SLC9A7: variants seen among roughly 807,000 people sequenced by gnomAD.
The protein encoded by SLC9A7 is solute carrier family 9 member A7.
Under a neutral mutation model 52.6 loss-of-function variants are expected in SLC9A7, and 19 were observed. The observed-to-expected ratio is 0.36, with a 90% CI of 0.25 to 0.53. SLC9A7 has a LOEUF of 0.53. Ranked by LOEUF, SLC9A7 falls within the 20% of genes least tolerant of loss-of-function variation. The pLI, the probability that SLC9A7 is intolerant of heterozygous loss-of-function variation, is 0.91. For missense variants in SLC9A7, 455 were observed against 597.9 expected (o/e 0.76, Z 2.49); for synonymous variants, 226 against 252.1 (o/e 0.90, Z 0.98).
chrX:46,755,823 GAAA>G (rs10718607), intron 1 of SLC9A7, among the ~76,000 whole-genome samples: 7 of 73,885 alleles, frequency 9.5e-5, no homozygotes, highest in Admixed American at 1.6e-4. Flanking sequence ...CTCCGTCTTG[GAAA>G]AAAAAAAAAA....
intron 1 of SLC9A7, among the ~76,000 whole-genome samples, chrX:46,720,388 TCATTAC>T (rs1569523298): frequency 1.8e-5 from 2 of 110,596 alleles, no homozygotes; most frequent in Non-Finnish European, 3.8e-5. Context: ...CTCCTTATTA[TCATTAC>T]TCTGGTTCAA....
intron 1 of SLC9A7, among the ~76,000 whole-genome samples, chrX:46,703,748 C>T (rs1454657732): frequency 8.9e-6 from 1 of 111,990 alleles, no homozygotes; most frequent in Non-Finnish European, 1.9e-5. Context: ...AGCCACTCTA[C>T]ACACATCCTA....
At chrX:46,627,509 C>T (rs1001014813) in intron 14 of SLC9A7, among the ~76,000 whole-genome samples, 26 of 111,425 alleles carry the variant, frequency 2.3e-4, no homozygotes, top group Admixed American at 3.8e-4. Context: ...GCCTGAGTGT[C>T]TCCACTCTCT....
At chrX:46,745,844 T>TA (rs757931369) in intron 1 of SLC9A7, among the ~76,000 whole-genome samples, 1,035 of 86,896 alleles carry the variant, frequency 0.012, 8 homozygotes, top group African/African-American at 0.026. Flanking sequence ...CTGTCTCTAT[T>TA]AAAAAAAAAA....
At chrX:46,739,406 T>G (rs767953961) in intron 1 of SLC9A7, among the ~76,000 whole-genome samples, 39 of 111,245 alleles carry the variant, frequency 3.5e-4, no homozygotes, top group Non-Finnish European at 6.8e-4. Context: ...TTATGCCCTT[T>G]CTTGCTCTGC....
chrX:46,740,685 A>G, intron 1 of SLC9A7, among the ~76,000 whole-genome samples: 1 of 111,358 alleles, frequency 9.0e-6, no homozygotes, highest in Non-Finnish European at 1.9e-5. Flanking sequence ...TAAAACCTAC[A>G]GCTAGCTTTA....
intron 4 of SLC9A7, among the ~76,000 whole-genome samples, chrX:46,671,321 C>T (rs1944016247): frequency 9.0e-6 from 1 of 110,556 alleles, no homozygotes; most frequent in Non-Finnish European, 1.9e-5. Flanking sequence ...AGTGCAATGG[C>T]GCAATCTCGG....
At chrX:46,687,751 T>C (rs1421747789) in intron 1 of SLC9A7, among the ~76,000 whole-genome samples, 2 of 112,423 alleles carry the variant, frequency 1.8e-5, no homozygotes, top group Non-Finnish European at 3.8e-5. Flanking sequence ...TTTTAGAGTA[T>C]ACTATTCAAT....
chrX:46,719,986 T>C (rs1268168011), intron 1 of SLC9A7, among the ~76,000 whole-genome samples: 1 of 111,537 alleles, frequency 9.0e-6, no homozygotes, highest in Admixed American at 9.6e-5. Flanking sequence ...CTTAAGAACA[T>C]TCCTCTCTCA....
intron 1 of SLC9A7, among the ~76,000 whole-genome samples, chrX:46,690,227 ATCC>A (rs1357256201): frequency 3.6e-5 from 4 of 111,948 alleles, no homozygotes; most frequent in Non-Finnish European, 3.8e-5. Flanking sequence ...GTTGCTCCAC[ATCC>A]TCATCCACAT....
chrX:46,691,982 C>T (rs1007161604), intron 1 of SLC9A7, among the ~76,000 whole-genome samples: 1 of 111,366 alleles, frequency 9.0e-6, no homozygotes, highest in African/African-American at 3.3e-5. Context: ...TAGCAAAACA[C>T]ATAATGATAG....
At position 46,600,212 on chromosome X, in the gene SLC9A7, T is replaced by A. The variant is rs1441948020; in HGVS notation, c.*6740A>T. ...GCCCCTAAATGTCCATGCAGTTAAG[T>A]CATCCAGTAACACCTGAATTGTAGC... On this transcript the variant is annotated 3_prime_UTR_variant, in exon 17 of 17. Transcript: ENST00000616978. The A allele has an allele frequency of 8.9e-6, 1 of 112,275 alleles. No homozygotes were observed. The highest frequency in any genetic ancestry group is 9.5e-5 in the Admixed American group (1 of 10,558). The allele number at this position is 112,275 out of a possible 1,213,427, so 9.3% of individuals were successfully genotyped here.
chrX:46,641,529 T>C (rs902549469), intron 12 of SLC9A7, among the ~76,000 whole-genome samples: 12 of 111,935 alleles, frequency 1.1e-4, no homozygotes. Flanking sequence ...AGGGTAAACC[T>C]TTTTTCTTGC....
intron 1 of SLC9A7, among the ~76,000 whole-genome samples, chrX:46,709,461 T>C (rs1372613213): frequency 9.0e-6 from 1 of 111,429 alleles, no homozygotes; most frequent in Non-Finnish European, 1.9e-5. Flanking sequence ...GCTATCATAA[T>C]ACATAATACA....
At chrX:46,712,132 C>T (rs943386906) in intron 1 of SLC9A7, among the ~76,000 whole-genome samples, 1 of 111,826 alleles carries the variant, frequency 8.9e-6, no homozygotes, top group African/African-American at 3.3e-5. Flanking sequence ...AATTTTGCTG[C>T]ATCTCCCTTT....
Position 46,674,524 on chromosome X carries a change from AC to A in SLC9A7, c.604-1898del, listed in dbSNP as rs763586810. Among the ~76,000 whole-genome samples, 6 of 111,770 alleles carry A rather than the reference AC, an allele frequency of 5.4e-5. No individual in the cohort carries two copies. In the East Asian group the frequency reaches 1.7e-3, roughly 31 times the overall value. On this transcript the variant is annotated intron_variant, in intron 3 of 16. Transcript: ENST00000616978. The stretch of plus-strand genomic sequence containing the variant: ...TATTTGGACCATCATATACGAGAGA[AC>A]CCAAGGCTCAAAGGCATGATGTAAG...
chrX:46,609,109 T>C (rs73630232), intron 16 of SLC9A7, among the ~76,000 whole-genome samples: 2,985 of 111,466 alleles, frequency 0.027, 101 homozygotes, highest in African/African-American at 0.091. Context: ...TTCAGGGAAA[T>C]GGTCCTGGCA....
chrX:46,750,598 C>A (rs1163278827), intron 1 of SLC9A7, among the ~76,000 whole-genome samples: 1 of 112,081 alleles, frequency 8.9e-6, no homozygotes, highest in Non-Finnish European at 1.9e-5. Flanking sequence ...AATCCTCCCG[C>A]TTCGGCCTCC....
At chrX:46,671,381 C>T (rs1944018399) in intron 4 of SLC9A7, among the ~76,000 whole-genome samples, 1 of 110,466 alleles carries the variant, frequency 9.1e-6, no homozygotes, top group Middle Eastern at 4.6e-3. Flanking sequence ...CTGCCTCAGC[C>T]TCCTGAGTAG....
Sources: gnomAD v4.1 joint callset for allele counts (sites outside exome capture counted in the v4.1 genomes callset) on GRCh38, gnomAD v4.1.1 for gene constraint, MANE v1.5 for transcripts, NCBI Gene and HGNC (gene_info 2026-07-23, HGNC 2026-07-21) for gene names.